Variants in MORN3 observed in about 807,000 individuals in gnomAD.
MORN3 encodes the protein MORN repeat containing 3.
Under a neutral mutation model 34.7 loss-of-function variants are expected in MORN3, and 38 were observed. That is an observed-to-expected ratio of 1.10 (90% confidence interval 0.85 to 1.44). MORN3 has a LOEUF of 1.44. MORN3 is among the 40% of genes most tolerant of loss of function. The probability of loss-of-function intolerance (pLI) is 0.00; values close to 1 mark genes in which losing one functional copy is unlikely to be tolerated. For missense variants in MORN3, 311 were observed against 321.7 expected (o/e 0.97, Z 0.25); for synonymous variants, 109 against 115.3 (o/e 0.95, Z 0.35).
At position 121,659,188 on chromosome 12, in the gene MORN3, C is replaced by T. The variant is rs368068254; in HGVS notation, c.303+3G>A. Reference sequence around the variant, plus strand: ...ACACACCCCGGCTGGCAGGCCTGCTCACCGATTTCTTATCACCTTTCCACC... The same window carrying T: ...ACACACCCCGGCTGGCAGGCCTGCTTACCGATTTCTTATCACCTTTCCACC... On this transcript the variant is annotated splice_donor_region_variant and intron_variant, in intron 2 of 5. Transcript: ENST00000355329. 1 of 1,611,508 alleles carries T rather than the reference C, an allele frequency of 6.2e-7. No individual in the cohort carries two copies. Among genetic ancestry groups the T allele is most frequent in the Non-Finnish European group, 8.5e-7 (1 of 1,178,120 alleles).
intron 4 of MORN3, 126 bp downstream of exon 4, chr12:121,652,949 C>G: frequency 6.9e-7 from 1 of 1,442,788 alleles, no homozygotes; most frequent in Non-Finnish European, 9.5e-7. Context: ...TGACTGAAAA[C>G]AAAACCTTGT....
chr12:121,663,361 G>T (rs1054913215), intron 1 of MORN3, among the ~76,000 whole-genome samples: 2 of 152,010 alleles, frequency 1.3e-5, no homozygotes, highest in African/African-American at 4.8e-5. Context: ...ACCACGTTTG[G>T]CTAATTTTGT....
chr12:121,669,832 AT>A (rs63366260), upstream of MORN3, among the ~76,000 whole-genome samples: 29,545 of 133,454 alleles, frequency 0.22, 3,592 homozygotes, highest in African/African-American at 0.29. Context: ...ATATATATAT[AT>A]TTTTTTTTTT....
intron 5 of MORN3, among the ~76,000 whole-genome samples, chr12:121,652,090 C>G (rs1041593318): frequency 2.4e-4 from 37 of 152,150 alleles, no homozygotes; most frequent in Admixed American, 2.1e-3. Flanking sequence ...TGCCCTCCCC[C>G]ACGCCCAGCT....
intron 2 of MORN3, among the ~76,000 whole-genome samples, chr12:121,654,923 GCTCTGTTT>G (rs1893371881): frequency 1.3e-5 from 2 of 152,040 alleles, no homozygotes; most frequent in South Asian, 4.2e-4. Flanking sequence ...ATCTCCCCAT[GCTCTGTTT>G]CTCTCTGTCC....
Position 121,651,281 on chromosome 12 carries a change from C to G in MORN3, c.*370G>C, listed in dbSNP as rs1893246142. On this transcript the variant is annotated 3_prime_UTR_variant, in exon 6 of 6. Transcript: ENST00000355329. The stretch of plus-strand genomic sequence containing the variant: ...GGCCTAAGACCTGCCCTTACTCCCC[C>G]AAGCTAAACCCAGGCAGCCCAGCCA... 1 of 152,194 alleles carries G rather than the reference C, an allele frequency of 6.6e-6. No individual in the cohort carries two copies. The highest frequency in any genetic ancestry group is 1.5e-5 in the Non-Finnish European group (1 of 68,148). 9.4% of individuals were successfully genotyped at this position (152,194 alleles called of 1,614,324 possible).
chr12:121,669,391 G>C lies in MORN3; in HGVS notation c.93C>G (p.Tyr31Ter), dbSNP rs35263703. 34 of 1,613,894 alleles carry C rather than the reference G, an allele frequency of 2.1e-5. No homozygotes were observed. Among genetic ancestry groups the C allele is most frequent in the African/African-American group, 2.7e-5 (2 of 74,912 alleles). The change falls in exon 1 of 6, where the codon TAC becomes TAG. Residue 31 changes from tyrosine (Y) to a stop codon, truncating the protein, a stop_gained. Coordinates refer to ENST00000355329, the MANE Select transcript of MORN3 (RefSeq NM_173855.5). LOFTEE classifies it high-confidence loss of function. ...CCACATAGTAGTCGCCATTCACAGC[G>C]TATACCTGGCTCCGCAGGCCGTTCC... ...AQRNGLRSQVYAVNGDYYVGE... is the reference protein window; with the variant it reads ...AQRNGLRSQV
chr12:121,656,067 G>A (rs1378324835), intron 2 of MORN3, among the ~76,000 whole-genome samples: 1 of 152,094 alleles, frequency 6.6e-6, no homozygotes. Flanking sequence ...TCCAACCACA[G>A]GGAAACAAGG....
intron 1 of MORN3, among the ~76,000 whole-genome samples, chr12:121,661,073 A>C (rs1011817930): frequency 1.3e-5 from 2 of 152,138 alleles, no homozygotes; most frequent in African/African-American, 4.8e-5. Flanking sequence ...CTTCTGCCTC[A>C]GCCTCCTGAG....
chr12:121,659,097 C>T, intron 2 of MORN3, 94 bp downstream of exon 2: 1 of 1,504,514 alleles, frequency 6.6e-7, no homozygotes, highest in Non-Finnish European at 9.0e-7. Flanking sequence ...CCTCTCTTTT[C>T]TCCCAGGCCT....
intron 1 of MORN3, 93 bp from the exon 2 acceptor site, chr12:121,659,441 G>A: frequency 7.6e-7 from 1 of 1,308,948 alleles, no homozygotes; most frequent in Non-Finnish European, 1.1e-6. Flanking sequence ...CCAACTAGAC[G>A]AATCTAGAGA....
chr12:121,654,398 A>G lies in MORN3; in HGVS notation c.339T>C (p.Tyr113=), dbSNP rs782063995. The G allele has an allele frequency of 1.6e-5, 26 of 1,600,336 alleles. No individual in the cohort carries two copies. Among genetic ancestry groups the G allele is most frequent in the Middle Eastern group, 3.3e-4 (2 of 6,070 alleles). ...YGIQFFGPKE[Y]YEGDWCGSQR... Reference sequence around the variant, plus strand: ...GGCTGCCACACCAGTCACCCTCATAATACTCCTTGGGTCCGAAAAACTGGA... The same window carrying G: ...GGCTGCCACACCAGTCACCCTCATAGTACTCCTTGGGTCCGAAAAACTGGA... The change falls in exon 3 of 6, where the codon TAT becomes TAC. Residue 113 remains tyrosine, a synonymous_variant. Transcript: ENST00000355329.
intron 1 of MORN3, among the ~76,000 whole-genome samples, chr12:121,662,889 AG>A (rs946861225): frequency 5.9e-5 from 9 of 152,020 alleles, no homozygotes; most frequent in Non-Finnish European, 8.8e-5. Flanking sequence ...GGGAGGTTGG[AG>A]GCAAGAGAAT....
intron 2 of MORN3, among the ~76,000 whole-genome samples, chr12:121,658,211 A>G (rs1269113405): frequency 2.0e-5 from 3 of 152,312 alleles, no homozygotes; most frequent in Middle Eastern, 3.4e-3. Flanking sequence ...TTGCTTATCA[A>G]TAAAATGGGC....
intron 2 of MORN3, among the ~76,000 whole-genome samples, chr12:121,655,663 A>G (rs1187591584): frequency 2.0e-5 from 3 of 151,938 alleles, no homozygotes; most frequent in Non-Finnish European, 4.4e-5. Context: ...GTGAGCCCAG[A>G]TCGTGCCATT....
At position 121,669,546 on chromosome 12, in the gene MORN3, G is replaced by A. The variant is rs549641409; in HGVS notation, c.-63C>T. ...GGGTTAGGGACATCTGGGGCTCAGC[G>A]CGCCCCGTGTAATGCCGGGATCCTG... is the stretch of plus-strand genomic sequence containing the variant. On this transcript the variant is annotated 5_prime_UTR_variant, in exon 1 of 6. Coordinates refer to ENST00000355329, the MANE Select transcript of MORN3 (RefSeq NM_173855.5). 13 of 1,598,032 alleles carry A rather than the reference G, an allele frequency of 8.1e-6. No individual in the cohort carries two copies. The East Asian group carries it at 9.2e-5, about 11-fold the overall frequency.
intron 1 of MORN3, among the ~76,000 whole-genome samples, chr12:121,662,559 TC>T (rs1893615088): frequency 6.6e-6 from 1 of 151,674 alleles, no homozygotes; most frequent in Admixed American, 6.6e-5. Flanking sequence ...ATCGAGACCA[TC>T]CTGGCCAACA....
At position 121,669,627 on chromosome 12, in the gene MORN3, CTTAGTGGGGATCCT is replaced by C; in HGVS notation, c.-158_-145del. On this transcript the variant is annotated 5_prime_UTR_variant, in exon 1 of 6. Coordinates refer to ENST00000355329, the MANE Select transcript of MORN3 (RefSeq NM_173855.5). The stretch of plus-strand genomic sequence containing the variant: ...GAGTCCCTGGGGCAGGTGAACAGCC[CTTAGTGGGGATCCT>C]TTAGTGCTGGACTGACCTTTGGTTG... 8.6e-7 allele frequency: 1 copy of C among 1,163,290 alleles called. No homozygotes were observed. Among genetic ancestry groups the C allele is most frequent in the Non-Finnish European group, 1.2e-6 (1 of 820,486 alleles). The allele number at this position is 1,163,290 out of a possible 1,614,324, so 72.1% of individuals were successfully genotyped here.
intron 2 of MORN3, among the ~76,000 whole-genome samples, chr12:121,658,004 G>T (rs528918650): frequency 6.6e-6 from 1 of 152,096 alleles, no homozygotes; most frequent in Non-Finnish European, 1.5e-5. Context: ...AGACAGCTTT[G>T]ACTCCCTATG....
Sources: allele counts gnomAD v4.1 joint callset (sites outside exome capture counted in the v4.1 genomes callset), GRCh38; gene constraint gnomAD v4.1.1; transcripts MANE v1.5; gene names NCBI Gene and HGNC (gene_info 2026-07-23, HGNC 2026-07-21).